Variants in LRCH1 observed in about 807,000 individuals in gnomAD.
LRCH1 encodes the protein leucine-rich repeat and calponin homology domain-containing protein 1.
Under a neutral mutation model 94.9 loss-of-function variants are expected in LRCH1, and 23 were observed. The ratio of observed to expected loss-of-function variants is 0.24; its 90% CI spans 0.17 to 0.34. LRCH1 has a LOEUF of 0.34. Ranked by LOEUF, LRCH1 falls within the 10% of genes least tolerant of loss-of-function variation. The pLI, the probability that LRCH1 is intolerant of heterozygous loss-of-function variation, is 1.00. For synonymous variants in LRCH1, 364 were observed against 354.9 expected (o/e 1.03, Z -0.29); for missense variants, 790 against 945.9 (o/e 0.84, Z 2.16).
chr13:46,618,522 G>A (rs556487977), intron 1 of LRCH1, among the ~76,000 whole-genome samples: 3 of 152,172 alleles, frequency 2.0e-5, no homozygotes, highest in African/African-American at 7.2e-5. Context: ...ATTTTGCATT[G>A]GTATTTTTCC....
At chr13:46,630,997 C>T (rs2051010989) in intron 1 of LRCH1, among the ~76,000 whole-genome samples, 1 of 152,198 alleles carries the variant, frequency 6.6e-6, no homozygotes. Flanking sequence ...CTGGAGACCT[C>T]AAGATTGGGA....
chr13:46,646,720 T>C (rs1478188766), intron 1 of LRCH1, among the ~76,000 whole-genome samples: 1 of 152,212 alleles, frequency 6.6e-6, no homozygotes, highest in Non-Finnish European at 1.5e-5. Context: ...ATTACATTAA[T>C]ATTGATTGAT....
At chr13:46,712,241 C>T (rs536185250) in intron 14 of LRCH1, among the ~76,000 whole-genome samples, 1 of 152,068 alleles carries the variant, frequency 6.6e-6, no homozygotes, top group Non-Finnish European at 1.5e-5. Context: ...TGTGCATGCA[C>T]CCATGCACAC....
At chr13:46,737,330 G>A (rs1289617616) in intron 19 of LRCH1, among the ~76,000 whole-genome samples, 1 of 152,124 alleles carries the variant, frequency 6.6e-6, no homozygotes, top group African/African-American at 2.4e-5. Flanking sequence ...GAACTCCTAG[G>A]CTCAAGACAC....
chr13:46,663,940 C>T (rs142661994), intron 2 of LRCH1, among the ~76,000 whole-genome samples: 18 of 152,246 alleles, frequency 1.2e-4, no homozygotes, highest in African/African-American at 4.3e-4. Flanking sequence ...AAGTAGTAAA[C>T]AGAGATTGTA....
At chr13:46,624,762 A>AT (rs2138031588) in intron 1 of LRCH1, among the ~76,000 whole-genome samples, 1 of 152,358 alleles carries the variant, frequency 6.6e-6, no homozygotes, top group South Asian at 2.1e-4. Context: ...GAAAAACGAT[A>AT]TTAACACCTT....
intron 1 of LRCH1, among the ~76,000 whole-genome samples, chr13:46,627,016 C>T (rs377519405): frequency 3.9e-5 from 6 of 152,156 alleles, no homozygotes; most frequent in Admixed American, 6.5e-5. Flanking sequence ...CAAATATCTC[C>T]GACATCTTTT....
Position 46,657,500 on chromosome 13 carries a change from C to CTTTTTTTTTTTTTTTTTT in LRCH1, c.452+7180_452+7197dup. Among the ~76,000 whole-genome samples, 7 of 11,390 alleles carry CTTTTTTTTTTTTTTTTTT rather than the reference C, an allele frequency of 6.1e-4. 2 individuals are homozygous for CTTTTTTTTTTTTTTTTTT. The highest frequency in any genetic ancestry group is 9.5e-4 in the African/African-American group (3 of 3,172). The allele number at this position is 11,390 out of a possible 152,430, so 7.5% of individuals were successfully genotyped here. ...TCATTTTTACTTTTTCTTTTCTTTT[C>CTTTTTTTTTTTTTTTTTT]TTTTTTTTTTTTTTTTTTTTTTTTT... On this transcript the variant is annotated intron_variant, in intron 2 of 19. Transcript: ENST00000389797.
chr13:46,660,419 T>A (rs1306157637), intron 2 of LRCH1, among the ~76,000 whole-genome samples: 2 of 151,238 alleles, frequency 1.3e-5, no homozygotes, highest in Non-Finnish European at 2.9e-5. Context: ...AAAAAAAAAA[T>A]GTATATATAT....
intron 13 of LRCH1, among the ~76,000 whole-genome samples, chr13:46,709,486 T>G (rs1273439835): frequency 6.6e-6 from 1 of 152,208 alleles, no homozygotes; most frequent in Non-Finnish European, 1.5e-5. Context: ...GCAGATTGTA[T>G]TACTCCTCTG....
At chr13:46,630,719 A>G (rs555529647) in intron 1 of LRCH1, among the ~76,000 whole-genome samples, 9 of 152,352 alleles carry the variant, frequency 5.9e-5, no homozygotes, top group Admixed American at 1.3e-4. Context: ...GGAGAGGTAC[A>G]TTTTGGCTTT....
chr13:46,670,605 G>A (rs987945033), intron 3 of LRCH1, among the ~76,000 whole-genome samples: 4 of 152,144 alleles, frequency 2.6e-5, no homozygotes, highest in Non-Finnish European at 4.4e-5. Flanking sequence ...GCCACCAAAG[G>A]GGGTAATTCT....
chr13:46,708,275 T>C (rs994074199), intron 13 of LRCH1, among the ~76,000 whole-genome samples: 8 of 89,672 alleles, frequency 8.9e-5, no homozygotes, highest in Non-Finnish European at 1.5e-4. Context: ...TTTCATCCCA[T>C]CTTTTTTTTT....
chr13:46,606,570 TTTG>T (rs2050689945), intron 1 of LRCH1, among the ~76,000 whole-genome samples: 1 of 152,048 alleles, frequency 6.6e-6, no homozygotes, highest in East Asian at 1.9e-4. Context: ...CTTGTTTTGT[TTTG>T]TTTTGTTTTG....
chr13:46,649,972 A>C (rs188199577), intron 1 of LRCH1, among the ~76,000 whole-genome samples: 5 of 152,324 alleles, frequency 3.3e-5, no homozygotes, highest in Admixed American at 3.3e-4. Context: ...TAGAGAGCTA[A>C]AAAGTTTTAG....
At chr13:46,724,262 G>A (rs1194056799) in intron 17 of LRCH1, among the ~76,000 whole-genome samples, 2 of 152,198 alleles carry the variant, frequency 1.3e-5, no homozygotes, top group Non-Finnish European at 2.9e-5. Context: ...AGACTAGAGT[G>A]CAATGGTATG....
intron 2 of LRCH1, among the ~76,000 whole-genome samples, chr13:46,654,493 G>T (rs2051346169): frequency 6.6e-6 from 1 of 152,172 alleles, no homozygotes; most frequent in Admixed American, 6.5e-5. Flanking sequence ...CAGAGACTTA[G>T]GATGCTGCAA....
At chr13:46,672,237 G>A (rs888440118) in intron 3 of LRCH1, among the ~76,000 whole-genome samples, 1 of 151,658 alleles carries the variant, frequency 6.6e-6, no homozygotes, top group Non-Finnish European at 1.5e-5. Context: ...TTTTAGTGCT[G>A]AATAATATTC....
At chr13:46,698,955 C>T (rs967659597) in intron 9 of LRCH1, among the ~76,000 whole-genome samples, 9 of 152,236 alleles carry the variant, frequency 5.9e-5, no homozygotes, top group African/African-American at 4.8e-5. Flanking sequence ...ACAACTCCCT[C>T]GTTCCTTCCC....
Sources: allele counts gnomAD v4.1 joint callset (sites outside exome capture counted in the v4.1 genomes callset), GRCh38; gene constraint gnomAD v4.1.1; transcripts MANE v1.5; gene names NCBI Gene and HGNC (gene_info 2026-07-23, HGNC 2026-07-21).